The following ALK variants were observed in gnomAD, a reference collection of about 807,000 sequenced individuals.
ALK encodes ALK tyrosine kinase receptor.
ALK carries 74 observed loss-of-function variants against 163.1 expected under a neutral mutation model. The ratio of observed to expected loss-of-function variants is 0.45; its 90% CI spans 0.38 to 0.55. The LOEUF (loss-of-function observed/expected upper bound fraction) is 0.55. Ranked by LOEUF, ALK falls within the 20% of genes least tolerant of loss-of-function variation. ALK has a pLI of 0.00. For synonymous variants in ALK, 960 were observed against 843.2 expected, an observed-to-expected ratio of 1.14 and a Z score of -2.40; for missense variants, 2,063 against 2,105.3, an observed-to-expected ratio of 0.98 and a Z score of 0.39.
At chr2:29,860,448 C>A (rs1266307158) in intron 1 of ALK, among the ~76,000 whole-genome samples, 1 of 149,196 alleles carries the variant, frequency 6.7e-6, no homozygotes, top group African/African-American at 2.5e-5. Context: ...ATACCAATAG[C>A]AATTATCAAG....
intron 1 of ALK, among the ~76,000 whole-genome samples, chr2:29,753,694 A>G (rs1307779598): frequency 1.3e-5 from 2 of 152,218 alleles, no homozygotes; most frequent in East Asian, 1.9e-4. Context: ...TTGGCTCTCC[A>G]TTACCCAGGG....
In ALK at chr2:29,853,805, C is replaced by G. The variant is rs10171542; in HGVS notation, c.667+66188G>C. Among the ~76,000 whole-genome samples, 819 of 152,304 alleles carry G rather than the reference C, an allele frequency of 5.4e-3. 4 individuals are homozygous for G. Among genetic ancestry groups the G allele is most frequent in the African/African-American group, 0.019 (782 of 41,552 alleles). On this transcript the variant is annotated intron_variant, in intron 1 of 28. Coordinates refer to ENST00000389048, the MANE Select transcript of ALK (RefSeq NM_004304.5). ...CTCCTCTCCCTCCCTCCTCTTCTCT[C>G]TTCACTTGGGGGTTCATTCTTCATT... is the stretch of plus-strand genomic sequence containing the variant.
At chr2:29,199,135 G>A (rs531567096) in intron 26 of ALK, among the ~76,000 whole-genome samples, 1 of 152,032 alleles carries the variant, frequency 6.6e-6, no homozygotes, top group African/African-American at 2.4e-5. Flanking sequence ...TGTATTTTTA[G>A]TAGAGACAGG....
intron 12 of ALK, among the ~76,000 whole-genome samples, chr2:29,248,458 G>C (rs1664740988): frequency 6.6e-6 from 1 of 152,226 alleles, no homozygotes; most frequent in Non-Finnish European, 1.5e-5. Context: ...GCGCGACTCT[G>C]TCTCAAAAAC....
intron 3 of ALK, among the ~76,000 whole-genome samples, chr2:29,637,815 T>C (rs1676584137): frequency 6.6e-6 from 1 of 152,080 alleles, no homozygotes; most frequent in South Asian, 2.1e-4. Flanking sequence ...TTTCAAGATA[T>C]TACTGTTAGT....
At chr2:29,347,441 G>C (rs1280660176) in intron 5 of ALK, among the ~76,000 whole-genome samples, 1 of 152,176 alleles carries the variant, frequency 6.6e-6, no homozygotes, top group Non-Finnish European at 1.5e-5. Context: ...TGGATGGGGT[G>C]GGGTGTGAAT....
chr2:29,831,031 G>GGGAAGGGGA (rs1665378955), intron 1 of ALK, among the ~76,000 whole-genome samples: 1 of 60,678 alleles, frequency 1.6e-5, no homozygotes, highest in African/African-American at 5.8e-5. Context: ...GAAGGGGAAG[G>GGGAAGGGGA]AGGAGGAGGA....
chr2:29,575,420 TCCTACCC>T (rs1281141467), intron 3 of ALK, among the ~76,000 whole-genome samples: 9 of 152,286 alleles, frequency 5.9e-5, no homozygotes, highest in African/African-American at 2.2e-4. Context: ...TTGATAGGCT[TCCTACCC>T]CCACTGCAAC....
intron 23 of ALK, among the ~76,000 whole-genome samples, chr2:29,216,051 G>A (rs1371341003): frequency 2.0e-5 from 3 of 152,154 alleles, no homozygotes; most frequent in Admixed American, 1.3e-4. Flanking sequence ...CTCGTTAGGG[G>A]CAGAGGGGGT....
At chr2:29,210,946 C>T (rs1245354760) in intron 24 of ALK, among the ~76,000 whole-genome samples, 1 of 152,160 alleles carries the variant, frequency 6.6e-6, no homozygotes, top group African/African-American at 2.4e-5. Context: ...ATGAAGGATA[C>T]AGCCAGAAGA....
rs773836753 is a variant in ALK, at chr2:29,240,553, G to C, written c.2205-723C>G. Among the ~76,000 whole-genome samples the C allele has an allele frequency of 8.5e-5, 13 of 152,312 alleles. No individual in the cohort carries two copies. In the Middle Eastern group the frequency reaches 0.01, roughly 120 times the overall value. On this transcript the variant is annotated intron_variant, in intron 12 of 28. Transcript: ENST00000389048. ...AGGTTCCTCACAGAATGACTGAGGA[G>C]AGCAGTGTATATGAGCCGACTGTCT...
chr2:29,677,541 A>G (rs1677921485), intron 3 of ALK, among the ~76,000 whole-genome samples: 1 of 152,074 alleles, frequency 6.6e-6, no homozygotes, highest in South Asian at 2.1e-4. Flanking sequence ...TGAGATAGCC[A>G]AACGGCTTAT....
At chr2:29,201,508 C>T (rs1669178120) in intron 26 of ALK, among the ~76,000 whole-genome samples, 1 of 152,122 alleles carries the variant, frequency 6.6e-6, no homozygotes. Flanking sequence ...GATCTTGAGG[C>T]CGGGCGCTGT....
chr2:29,212,861 ATG>A (rs1669501315), intron 24 of ALK, among the ~76,000 whole-genome samples: 1 of 151,774 alleles, frequency 6.6e-6, no homozygotes, highest in African/African-American at 2.4e-5. Context: ...GTCCCCCACC[ATG>A]CCTGGCTAAT....
intron 1 of ALK, among the ~76,000 whole-genome samples, chr2:29,816,375 A>T (rs1278426667): frequency 6.6e-6 from 1 of 152,208 alleles, no homozygotes; most frequent in Non-Finnish European, 1.5e-5. Flanking sequence ...TCGATGAGAT[A>T]CTTACATACA....
intron 26 of ALK, 101 bp downstream of exon 26, chr2:29,207,070 C>T (rs1449463326): frequency 1.1e-6 from 1 of 873,556 alleles, no homozygotes; most frequent in Admixed American, 1.8e-5. Flanking sequence ...CTTTTCCCTC[C>T]CTACTAACAC....
rs752317227 is a variant in ALK, at chr2:29,193,730, C to A, written c.4357G>T (p.Ala1453Ser). 3.7e-6 allele frequency: 6 copies of A among 1,604,322 alleles called. No individual in the cohort carries two copies. The highest frequency in any genetic ancestry group is 5.1e-6 in the Non-Finnish European group (6 of 1,174,098). Residue 1453 changes from alanine to serine, a missense_variant, in exon 29 of 29, where the codon GCA (alanine) becomes TCA (serine). Physicochemically the swap from Ala to Ser is moderately conservative, Grantham distance 99. Transcript: ENST00000389048. ...PLPTTSSGKA[A>S]KKPTAAEISV... is the part of the protein sequence containing the mutation. ...ATCTCTGCAGCTGTGGGTTTCTTTG[C>A]AGCCTTGCCAGAGGAGGTGGTAGGC...
At position 29,861,316 on chromosome 2, in the gene ALK, A is replaced by G. The variant is rs147200760; in HGVS notation, c.667+58677T>C. On this transcript the variant is annotated intron_variant, in intron 1 of 28. Transcript: ENST00000389048. The stretch of plus-strand genomic sequence containing the variant: ...CAAATATCAGAACAGAAATAAATGA[A>G]ACAGATACTTGAAAAACAATAGAAA... Among the ~76,000 whole-genome samples, 906 of 152,330 alleles carry G rather than the reference A, an allele frequency of 5.9e-3. 5 individuals carry two copies. The highest frequency in any genetic ancestry group is 0.012 in the South Asian group (59 of 4,818).
intron 12 of ALK, among the ~76,000 whole-genome samples, chr2:29,249,493 C>T (rs1279539590): frequency 6.6e-6 from 1 of 152,116 alleles, no homozygotes; most frequent in Non-Finnish European, 1.5e-5. Context: ...CTGCCCTCTG[C>T]ATGCCTCCCA....
Sources: gnomAD v4.1 joint callset for allele counts (sites outside exome capture counted in the v4.1 genomes callset) on GRCh38, gnomAD v4.1.1 for gene constraint, MANE v1.5 for transcripts, NCBI Gene and HGNC (gene_info 2026-07-23, HGNC 2026-07-21) for gene names.